Variants in BMPR1A observed in about 807,000 individuals in gnomAD.
The protein encoded by BMPR1A is bone morphogenetic protein receptor type-1A.
In BMPR1A, 7 loss-of-function variants were observed where a neutral mutation model predicts 66.0. That is an observed-to-expected ratio of 0.11 (90% CI 0.06 to 0.20). The LOEUF (loss-of-function observed/expected upper bound fraction) is 0.20, where lower values mean the gene tolerates loss of function less well. Ranked by LOEUF, BMPR1A falls within the 10% of genes least tolerant of loss-of-function variation. BMPR1A has a pLI of 1.00. For missense variants in BMPR1A, 408 were observed against 669.1 expected (o/e 0.61, Z 4.31); for synonymous variants, 200 against 229.7 (o/e 0.87, Z 1.17).
At chr10:86,761,814 G>C (rs1422910796) in intron 1 of BMPR1A, among the ~76,000 whole-genome samples, 1 of 152,178 alleles carries the variant, frequency 6.6e-6, no homozygotes, top group African/African-American at 2.4e-5. Flanking sequence ...TGGAAAGCAG[G>C]GTAGATGTGG....
At position 86,842,719 on chromosome 10, in the gene BMPR1A, C is replaced by T. The variant is rs191557485; in HGVS notation, c.-153+3740C>T. Among the ~76,000 whole-genome samples the T allele has an allele frequency of 3.3e-5, 5 of 152,240 alleles. No homozygotes were observed. In the East Asian group the frequency reaches 9.6e-4, roughly 29 times the overall value. ...TTGTAAAGGAAAGAGGTTTAATGGA[C>T]TCATAGTTCCATGTGGCTAGAGAGG... On this transcript the variant is annotated intron_variant, in intron 2 of 12. Coordinates refer to ENST00000372037, the MANE Select transcript of BMPR1A (RefSeq NM_004329.3).
chr10:86,814,822 G>A (rs947121687), intron 1 of BMPR1A, among the ~76,000 whole-genome samples: 3 of 151,914 alleles, frequency 2.0e-5, no homozygotes, highest in African/African-American at 4.8e-5. Context: ...GTCTTACTCT[G>A]TCGCCTGGGC....
In BMPR1A at chr10:86,890,602, A is replaced by T. The variant is rs28438513; in HGVS notation, c.230+378A>T. 2.7e-3 allele frequency among the ~76,000 whole-genome samples: 402 copies of T among 150,442 alleles called. 1 individual carries two copies. Among genetic ancestry groups the T allele is most frequent in the African/African-American group, 8.2e-3 (339 of 41,108 alleles). On this transcript the variant is annotated intron_variant, in intron 4 of 12. Coordinates refer to ENST00000372037, the MANE Select transcript of BMPR1A (RefSeq NM_004329.3). ...CTACTTCTTTTTAATTTAAAAAAAAATTTTTTTTTTAACTATAGACAGGAT... is the reference window on the plus strand; with the variant it reads ...CTACTTCTTTTTAATTTAAAAAAAATTTTTTTTTTTAACTATAGACAGGAT...
intron 1 of BMPR1A, among the ~76,000 whole-genome samples, chr10:86,807,210 A>G (rs1841899726): frequency 6.6e-6 from 1 of 152,304 alleles, no homozygotes; most frequent in South Asian, 2.1e-4. Flanking sequence ...TATCTTTAAA[A>G]TCATTTTTAG....
intron 1 of BMPR1A, among the ~76,000 whole-genome samples, chr10:86,794,682 A>G (rs983525638): frequency 5.9e-5 from 9 of 152,204 alleles, no homozygotes; most frequent in African/African-American, 1.2e-4. Flanking sequence ...TTAGGTTTCT[A>G]TTCCTTTCCA....
At chr10:86,921,430 AAAG>A in intron 10 of BMPR1A, 87 bp from the exon 11 acceptor site, 7 of 1,557,972 alleles carry the variant, frequency 4.5e-6, no homozygotes, top group Non-Finnish European at 6.2e-6. Flanking sequence ...CCAAGGAGAA[AAAG>A]AAGCTTTTAT....
intron 1 of BMPR1A, among the ~76,000 whole-genome samples, chr10:86,782,416 T>C (rs1166373977): frequency 1.3e-5 from 2 of 152,234 alleles, no homozygotes; most frequent in African/African-American, 4.8e-5. Context: ...ATACTGTTTT[T>C]CATAGTGATT....
At chr10:86,824,831 C>T (rs907854068) in intron 1 of BMPR1A, among the ~76,000 whole-genome samples, 12 of 151,986 alleles carry the variant, frequency 7.9e-5, no homozygotes, top group Non-Finnish European at 1.3e-4. Flanking sequence ...TTAAGGTGAC[C>T]GGTGGTTATC....
chr10:86,878,502 GTAAC>G (rs1173617392), intron 3 of BMPR1A, among the ~76,000 whole-genome samples: 1 of 152,218 alleles, frequency 6.6e-6, no homozygotes. Flanking sequence ...TTAGTTTTAA[GTAAC>G]TAATAATGAC....
At chr10:86,823,189 T>C (rs963750526) in intron 1 of BMPR1A, among the ~76,000 whole-genome samples, 4 of 152,266 alleles carry the variant, frequency 2.6e-5, no homozygotes, top group African/African-American at 4.8e-5. Flanking sequence ...CAGTGTTTTC[T>C]GTATCCAGCA....
intron 2 of BMPR1A, among the ~76,000 whole-genome samples, chr10:86,875,145 G>A (rs1320294622): frequency 6.6e-6 from 1 of 151,906 alleles, no homozygotes; most frequent in African/African-American, 2.4e-5. Context: ...GGCTGAGGCT[G>A]GCGGATCACC....
intron 1 of BMPR1A, among the ~76,000 whole-genome samples, chr10:86,824,080 G>GC (rs1842157505): frequency 1.2e-4 from 8 of 67,456 alleles, no homozygotes; most frequent in African/African-American, 5.4e-4. Flanking sequence ...ATTACCAAGG[G>GC]TTGTGTGTGT....
In BMPR1A at chr10:86,926,313, A is replaced by G. The variant is rs1228093185; in HGVS notation, c.*2594A>G. 2 of 153,458 alleles carry G rather than the reference A, an allele frequency of 1.3e-5. No homozygotes were observed. Among genetic ancestry groups the G allele is most frequent in the African/African-American group, 4.8e-5 (2 of 41,504 alleles). The allele number at this position is 153,458 out of a possible 1,614,324, so 9.5% of individuals were successfully genotyped here. ...GAGGCGGGTGGATCACAAGGTCAGGAGTTCAAGACCAGCCTGGCCAACATG... is the reference window on the plus strand; with the variant it reads ...GAGGCGGGTGGATCACAAGGTCAGGGGTTCAAGACCAGCCTGGCCAACATG... On this transcript the variant is annotated 3_prime_UTR_variant, in exon 13 of 13. Coordinates refer to ENST00000372037, the MANE Select transcript of BMPR1A (RefSeq NM_004329.3).
At position 86,927,856 on chromosome 10, in the gene BMPR1A, T is replaced by C; in HGVS notation, c.*4137T>C. 1 of 194,772 alleles carries C rather than the reference T, an allele frequency of 5.1e-6. No individual in the cohort carries two copies. The allele number at this position is 194,772 out of a possible 1,614,324, so 12.1% of individuals were successfully genotyped here. A position where few individuals can be genotyped will look rare whatever the true frequency, so the allele number is the denominator to read the frequency against. ...TGACGTGTAACACACTAAATGTATTTTGTACAGCATCTGGTTTAAAAGGTG... is the reference window on the plus strand; with the variant it reads ...TGACGTGTAACACACTAAATGTATTCTGTACAGCATCTGGTTTAAAAGGTG... On this transcript the variant is annotated 3_prime_UTR_variant, in exon 13 of 13. Coordinates refer to ENST00000372037, the MANE Select transcript of BMPR1A (RefSeq NM_004329.3).
At chr10:86,845,673 C>T (rs1842473896) in intron 2 of BMPR1A, among the ~76,000 whole-genome samples, 1 of 152,156 alleles carries the variant, frequency 6.6e-6, no homozygotes, top group Admixed American at 6.5e-5. Context: ...CTGTCACTGA[C>T]CCTGCAGATT....
chr10:86,859,189 C>G (rs557732570), intron 2 of BMPR1A, among the ~76,000 whole-genome samples: 88 of 152,188 alleles, frequency 5.8e-4, no homozygotes, highest in Non-Finnish European at 1.1e-3. Flanking sequence ...ATAAATGGTG[C>G]TGGGAAAACT....
intron 1 of BMPR1A, among the ~76,000 whole-genome samples, chr10:86,787,482 C>G (rs1171472815): frequency 2.5e-4 from 38 of 152,154 alleles, no homozygotes; most frequent in Admixed American, 2.5e-3. Flanking sequence ...AAAATCATCA[C>G]ATGCACAAAT....
intron 2 of BMPR1A, among the ~76,000 whole-genome samples, chr10:86,859,223 C>T (rs990669151): frequency 4.6e-5 from 7 of 152,222 alleles, no homozygotes; most frequent in African/African-American, 1.7e-4. Context: ...CAGAGTGAAA[C>T]TGTACCCCTG....
chr10:86,816,364 A>C (rs1842034949), intron 1 of BMPR1A, among the ~76,000 whole-genome samples: 1 of 152,144 alleles, frequency 6.6e-6, no homozygotes, highest in Admixed American at 6.6e-5. Context: ...TGCTTAGAAA[A>C]TTTAAAATTA....
Sources: gnomAD v4.1 joint callset for allele counts (sites outside exome capture counted in the v4.1 genomes callset) on GRCh38, gnomAD v4.1.1 for gene constraint, MANE v1.5 for transcripts, NCBI Gene and HGNC (gene_info 2026-07-23, HGNC 2026-07-21) for gene names.